TM9SF4: variants seen among roughly 807,000 people sequenced by gnomAD.
TM9SF4 encodes transmembrane 9 superfamily member 4.
A neutral mutation model predicts 90.4 loss-of-function variants in TM9SF4; 26 were observed. The observed-to-expected ratio is 0.29, with a 90% CI of 0.21 to 0.40. The LOEUF (loss-of-function observed/expected upper bound fraction) is 0.40, where lower values mean the gene tolerates loss of function less well. TM9SF4 is among the 10% of genes least tolerant of loss of function. TM9SF4 has a pLI of 1.00. For synonymous variants in TM9SF4, 293 were observed against 315.4 expected (o/e 0.93, Z 0.75); for missense variants, 549 against 834.8 (o/e 0.66, Z 4.22).
At chr20:32,123,041 C>T (rs1341771776) in intron 1 of TM9SF4, among the ~76,000 whole-genome samples, 96 of 149,966 alleles carry the variant, frequency 6.4e-4, no homozygotes, top group African/African-American at 2.0e-3. Context: ...TGGCGGCGTG[C>T]GCCTGCAATT....
chr20:32,152,309 A>T (rs2046854343), intron 12 of TM9SF4, among the ~76,000 whole-genome samples: 1 of 150,926 alleles, frequency 6.6e-6, no homozygotes, highest in Non-Finnish European at 1.5e-5. Context: ...ACCCTCCAGG[A>T]TTTCCCTCGA....
At chr20:32,145,526 G>C in intron 8 of TM9SF4, 103 bp downstream of exon 8, 1 of 1,004,328 alleles carries the variant, frequency 1.0e-6, no homozygotes, top group Non-Finnish European at 1.5e-6. Context: ...TGAGGGTCAG[G>C]CGTAGGTCAA....
Position 32,117,444 on chromosome 20 carries a change from G to A in TM9SF4, c.15+7689G>A, listed in dbSNP as rs375903126. On this transcript the variant is annotated intron_variant, in intron 1 of 17. Transcript: ENST00000398022. ...CAGAAAAAGTTAACTTCTGGTTACAGAGAAATGCAAGTGAATGAAATAATT... is the reference window on the plus strand; with the variant it reads ...CAGAAAAAGTTAACTTCTGGTTACAAAGAAATGCAAGTGAATGAAATAATT... Among the ~76,000 whole-genome samples, 9 of 152,294 alleles carry A rather than the reference G, an allele frequency of 5.9e-5. No homozygotes were observed. In the South Asian group the frequency reaches 1.7e-3, roughly 28 times the overall value.
At chr20:32,132,452 AGAAGGCACAGTAAAGAC>A (rs1453903258) in intron 1 of TM9SF4, among the ~76,000 whole-genome samples, 2 of 151,792 alleles carry the variant, frequency 1.3e-5, no homozygotes, top group African/African-American at 4.8e-5. Context: ...GCATTCCACC[AGAAGGCACAGTAAAGAC>A]GAAGGCCCTG....
At chr20:32,161,212 G>A in intron 16 of TM9SF4, 64 bp from the exon 17 acceptor site, 7 of 1,441,256 alleles carry the variant, frequency 4.9e-6, no homozygotes, top group Middle Eastern at 2.3e-4. Flanking sequence ...TCAAGCAACT[G>A]TGAAATTGGT....
chr20:32,163,262 AAAAAAAAT>A (rs1357992293), intron 17 of TM9SF4, among the ~76,000 whole-genome samples: 2 of 71,236 alleles, frequency 2.8e-5, no homozygotes, highest in Admixed American at 1.7e-4. Context: ...AAAAAAAAAA[AAAAAAAAT>A]ATATATATAT....
At chr20:32,119,687 T>A (rs2046276917) in intron 1 of TM9SF4, among the ~76,000 whole-genome samples, 1 of 152,030 alleles carries the variant, frequency 6.6e-6, no homozygotes, top group African/African-American at 2.4e-5. Context: ...GAAATTTAAT[T>A]TATTATAATT....
intron 16 of TM9SF4, among the ~76,000 whole-genome samples, chr20:32,160,540 C>T (rs1289678226): frequency 2.6e-5 from 4 of 152,134 alleles, no homozygotes; most frequent in Non-Finnish European, 5.9e-5. Context: ...GGGTCTTGGG[C>T]GGGTTGCTTA....
intron 3 of TM9SF4, among the ~76,000 whole-genome samples, chr20:32,141,084 GCA>G (rs1491094616): frequency 5.3e-5 from 8 of 151,956 alleles, no homozygotes; most frequent in Non-Finnish European, 8.8e-5. Context: ...GGGCGTGGTG[GCA>G]TGCACCTGTA....
At chr20:32,113,578 A>T (rs1462041581) in intron 1 of TM9SF4, among the ~76,000 whole-genome samples, 1 of 142,280 alleles carries the variant, frequency 7.0e-6, no homozygotes, top group Non-Finnish European at 1.5e-5. Flanking sequence ...TCAGGAGTCT[A>T]GAAACTTCAG....
chr20:32,125,781 A>C (rs1600794082), intron 1 of TM9SF4, among the ~76,000 whole-genome samples: 1 of 133,312 alleles, frequency 7.5e-6, no homozygotes, highest in African/African-American at 2.9e-5. Flanking sequence ...GATCCCTCCC[A>C]CCTCAGCCTC....
intron 16 of TM9SF4, among the ~76,000 whole-genome samples, chr20:32,160,722 G>A (rs1465408749): frequency 1.3e-5 from 2 of 151,988 alleles, no homozygotes; most frequent in African/African-American, 2.4e-5. Context: ...AGGCTGAGGC[G>A]GGCAGATCAC....
rs1372612286 is a variant in TM9SF4 at position 32,145,151 on chromosome 20, A to G, written c.713A>G (p.Gln238Arg). ...TLPEGTNSSP[Q>R]EIDPTKENQL... ...CCTGAGGGTACCAACTCCTCGCCCC[A>G]AGAAATTGACCCCACCAAGGAGAAT... is the stretch of plus-strand genomic sequence containing the variant. The change falls in exon 7 of 18, where the codon CAA becomes CGA. Residue 238 changes from glutamine (Q) to arginine (R), a missense_variant. Gln to Arg is a conservative substitution (Grantham distance 43). Transcript: ENST00000398022. The G allele has an allele frequency of 6.2e-7, 1 of 1,614,122 alleles. No homozygotes were observed. The highest frequency in any genetic ancestry group is 1.7e-5 in the Admixed American group (1 of 60,012).
chr20:32,156,467 A>G (rs764634356), intron 13 of TM9SF4, among the ~76,000 whole-genome samples: 1 of 152,236 alleles, frequency 6.6e-6, no homozygotes, highest in Non-Finnish European at 1.5e-5. Context: ...CGAGTCCCAT[A>G]TATAAAGTGG....
At chr20:32,133,523 T>G (rs150334864) in intron 2 of TM9SF4, among the ~76,000 whole-genome samples, 119 of 152,354 alleles carry the variant, frequency 7.8e-4, no homozygotes, top group Middle Eastern at 3.4e-3. Flanking sequence ...GCATAACTCC[T>G]AGTGTCTGCT....
chr20:32,142,014 T>G, intron 5 of TM9SF4, 119 bp downstream of exon 5: 2 of 1,511,068 alleles, frequency 1.3e-6, no homozygotes, highest in African/African-American at 1.4e-5. Flanking sequence ...GCCCTGGGCA[T>G]GATGGTCTGT....
At chr20:32,127,143 C>G (rs555749302) in intron 1 of TM9SF4, among the ~76,000 whole-genome samples, 1 of 152,284 alleles carries the variant, frequency 6.6e-6, no homozygotes, top group South Asian at 2.1e-4. Flanking sequence ...CTGTCTGACT[C>G]TCAGTTTCCT....
At chr20:32,155,935 T>C (rs970199900) in intron 13 of TM9SF4, among the ~76,000 whole-genome samples, 2 of 152,190 alleles carry the variant, frequency 1.3e-5, no homozygotes, top group Admixed American at 1.3e-4. Flanking sequence ...TCACTTCACC[T>C]TTTTTATCCC....
chr20:32,129,646 T>G (rs2046482006), intron 1 of TM9SF4, among the ~76,000 whole-genome samples: 1 of 150,870 alleles, frequency 6.6e-6, no homozygotes, highest in African/African-American at 2.4e-5. Flanking sequence ...TCGCCCAGGA[T>G]GGAGTACAGC....
Sources: gnomAD v4.1 joint callset for allele counts (sites outside exome capture counted in the v4.1 genomes callset) on GRCh38, gnomAD v4.1.1 for gene constraint, MANE v1.5 for transcripts, NCBI Gene and HGNC (gene_info 2026-07-23, HGNC 2026-07-21) for gene names.